Variants in ZBTB49 observed in about 807,000 individuals in gnomAD.
ZBTB49 encodes zinc finger and BTB domain containing 49.
In ZBTB49, 43 loss-of-function variants were observed where a neutral mutation model predicts 57.5. That is an observed-to-expected ratio of 0.75 (90% CI 0.59 to 0.97). ZBTB49 has a LOEUF of 0.97. Among genes scored for constraint, ZBTB49 ranks in the 50% least tolerant of loss-of-function variants. ZBTB49 has a pLI of 0.00. For synonymous variants in ZBTB49, 369 were observed against 362.1 expected (o/e 1.02, Z -0.22); for missense variants, 938 against 947.7 (o/e 0.99, Z 0.13).
intron 4 of ZBTB49, among the ~76,000 whole-genome samples, chr4:4,311,217 A>AT (rs1040450132): frequency 2.0e-5 from 3 of 152,252 alleles, no homozygotes; most frequent in African/African-American, 7.2e-5. Flanking sequence ...AGTAATCGTT[A>AT]TGCCATTTTT....
At chr4:4,312,474 G>A (rs1721016030) in intron 4 of ZBTB49, among the ~76,000 whole-genome samples, 1 of 152,184 alleles carries the variant, frequency 6.6e-6, no homozygotes, top group African/African-American at 2.4e-5. Context: ...GCACCTGAGA[G>A]GCTGCTGTGA....
chr4:4,295,095 G>GACA (rs1209462535), intron 1 of ZBTB49, among the ~76,000 whole-genome samples: 1 of 152,076 alleles, frequency 6.6e-6, no homozygotes, highest in Admixed American at 6.5e-5. Context: ...GGTTCTTAGA[G>GACA]ACTTGCTTCA....
At chr4:4,313,676 G>A (rs987488611) in intron 5 of ZBTB49, among the ~76,000 whole-genome samples, 2 of 152,154 alleles carry the variant, frequency 1.3e-5, no homozygotes, top group Non-Finnish European at 2.9e-5. Context: ...CCTCTGCAGC[G>A]TGGTATAAAT....
At chr4:4,303,831 A>G (rs541087485) in intron 3 of ZBTB49, among the ~76,000 whole-genome samples, 5 of 151,704 alleles carry the variant, frequency 3.3e-5, no homozygotes, top group African/African-American at 1.2e-4. Context: ...CAATACATAT[A>G]TATTACTTTT....
At chr4:4,318,759 T>TAA (rs1403656473) in intron 7 of ZBTB49, among the ~76,000 whole-genome samples, 3 of 152,196 alleles carry the variant, frequency 2.0e-5, no homozygotes, top group Non-Finnish European at 4.4e-5. Context: ...ACACAGAAAC[T>TAA]AAATATGCTT....
chr4:4,301,410 C>T (rs1720468307), intron 2 of ZBTB49, among the ~76,000 whole-genome samples: 1 of 152,066 alleles, frequency 6.6e-6, no homozygotes, highest in African/African-American at 2.4e-5. Flanking sequence ...AAATAAATTA[C>T]TGGTTACAAA....
chr4:4,312,739 C>G (rs891344710), intron 4 of ZBTB49, among the ~76,000 whole-genome samples: 1 of 152,176 alleles, frequency 6.6e-6, no homozygotes, highest in African/African-American at 2.4e-5. Context: ...ACCACCAAAG[C>G]AGCCTCCACA....
At chr4:4,318,220 T>C (rs1389288273) in intron 7 of ZBTB49, among the ~76,000 whole-genome samples, 1 of 152,218 alleles carries the variant, frequency 6.6e-6, no homozygotes, top group East Asian at 1.9e-4. Flanking sequence ...AACTCTGTCA[T>C]GACTAAAAAT....
chr4:4,317,465 C>CTTAT (rs1721235605), intron 7 of ZBTB49, among the ~76,000 whole-genome samples: 1 of 151,956 alleles, frequency 6.6e-6, no homozygotes, highest in Non-Finnish European at 1.5e-5. Flanking sequence ...AGAAGGAAGC[C>CTTAT]TTATACCCAT....
chr4:4,296,311 C>G (rs1560104534), intron 1 of ZBTB49, among the ~76,000 whole-genome samples: 3 of 152,204 alleles, frequency 2.0e-5, no homozygotes, highest in Non-Finnish European at 4.4e-5. Flanking sequence ...TATGGTTTGA[C>G]TGTGTCACCA....
chr4:4,319,794 G>T (rs1721333263), intron 7 of ZBTB49, among the ~76,000 whole-genome samples: 1 of 151,690 alleles, frequency 6.6e-6, no homozygotes. Context: ...CTCCAGCCTG[G>T]GCGCCTCACT....
At chr4:4,296,348 C>T (rs921036694) in intron 1 of ZBTB49, among the ~76,000 whole-genome samples, 3 of 152,216 alleles carry the variant, frequency 2.0e-5, no homozygotes, top group Non-Finnish European at 4.4e-5. Context: ...AATTGTAACT[C>T]CCACAATCCC....
chr4:4,299,810 T>TGA lies in ZBTB49; in HGVS notation c.-19-110_-19-109dup, dbSNP rs1553803869. Reference sequence around the variant, plus strand: ...GTGTGTGTGTGTGTGTGTGTGTGTGTGAGAGAGAAACTGTGATGAGAGAGT... The same window carrying TGA: ...GTGTGTGTGTGTGTGTGTGTGTGTGTGAGAGAGAGAAACTGTGATGAGAGAGT... On this transcript the variant is annotated intron_variant, in intron 1 of 7. Coordinates refer to ENST00000337872, the MANE Select transcript of ZBTB49 (RefSeq NM_145291.4). 2,604 of 607,018 alleles carry TGA rather than the reference T, an allele frequency of 4.3e-3. 183 individuals carry two copies. The highest frequency in any genetic ancestry group is 0.029 in the East Asian group (677 of 23,330). 37.6% of individuals were successfully genotyped at this position (607,018 alleles called of 1,614,324 possible). A position where few individuals can be genotyped will look rare whatever the true frequency, so the allele number is the denominator to read the frequency against.
chr4:4,290,577 A>G (rs1719842273), intron 1 of ZBTB49, among the ~76,000 whole-genome samples: 1 of 152,160 alleles, frequency 6.6e-6, no homozygotes, highest in Admixed American at 6.5e-5. Context: ...TGAGACCCAG[A>G]CGGCCAGGTT....
chr4:4,308,787 A>T (rs1230885151), intron 4 of ZBTB49, among the ~76,000 whole-genome samples: 1 of 152,194 alleles, frequency 6.6e-6, no homozygotes, highest in Admixed American at 6.5e-5. Context: ...GTACAGTGAA[A>T]TGTTGGAACT....
chr4:4,301,503 A>G (rs576783827), intron 2 of ZBTB49, among the ~76,000 whole-genome samples: 1 of 152,276 alleles, frequency 6.6e-6, no homozygotes, highest in East Asian at 1.9e-4. Flanking sequence ...ATTTGTGTAT[A>G]TGGTTTATGG....
chr4:4,302,036 TGGA>T lies in ZBTB49; in HGVS notation c.201_203del (p.Leu67_Asp68delinsPhe). On this transcript the variant is annotated inframe_deletion, in exon 3 of 8. Transcript: ENST00000337872. Reference sequence around the variant, plus strand: ...AGCCAGAAGAATGATGTTTTTCACTTGGATGTTAAAAATGTCAGTGGCATAGGG... The same window carrying T: ...AGCCAGAAGAATGATGTTTTTCACTTTGTTAAAAATGTCAGTGGCATAGGG... The T allele has an allele frequency of 6.3e-7, 1 of 1,593,198 alleles. No homozygotes were observed.
At chr4:4,311,927 G>C (rs1459331705) in intron 4 of ZBTB49, among the ~76,000 whole-genome samples, 1 of 68,220 alleles carries the variant, frequency 1.5e-5, no homozygotes, top group East Asian at 4.3e-4. Flanking sequence ...ATAGTCCGCA[G>C]ATGGCATTTT....
chr4:4,298,351 T>C (rs1720312983), intron 1 of ZBTB49, among the ~76,000 whole-genome samples: 1 of 152,200 alleles, frequency 6.6e-6, no homozygotes, highest in Admixed American at 6.5e-5. Flanking sequence ...GTAGTGACTT[T>C]TTCAGCCATG....
Sources: allele counts gnomAD v4.1 joint callset (sites outside exome capture counted in the v4.1 genomes callset), GRCh38; gene constraint gnomAD v4.1.1; transcripts MANE v1.5; gene names NCBI Gene and HGNC (gene_info 2026-07-23, HGNC 2026-07-21).